The following ARRB1 variants were observed in gnomAD, a reference collection of about 807,000 sequenced individuals.
ARRB1 encodes the protein beta-arrestin-1.
A neutral mutation model predicts 56.8 loss-of-function variants in ARRB1; 21 were observed. The observed-to-expected ratio is 0.37, with a 90% confidence interval of 0.26 to 0.53. The LOEUF is 0.53. Among genes scored for constraint, ARRB1 ranks in the 20% least tolerant of loss-of-function variants. The pLI, the probability that ARRB1 is intolerant of heterozygous loss-of-function variation, is 0.88. For synonymous variants in ARRB1, 210 were observed against 218.6 expected (o/e 0.96, Z 0.35); for missense variants, 424 against 553.7 (o/e 0.77, Z 2.35).
intron 13 of ARRB1, 131 bp from the exon 14 acceptor site, chr11:75,269,090 T>C (rs1412749912): frequency 1.0e-6 from 1 of 970,322 alleles, no homozygotes; most frequent in African/African-American, 1.6e-5. Context: ...AAAGATGCCC[T>C]CCAGCCCCAG....
Position 75,278,688 on chromosome 11 carries a change from G to C in ARRB1, c.539C>G (p.Pro180Arg). 6.2e-7 allele frequency: 1 copy of C among 1,614,154 alleles called. No individual in the cohort carries two copies. The highest frequency in any genetic ancestry group is 8.5e-7 in the Non-Finnish European group (1 of 1,179,992). The change falls in exon 8 of 16, where the codon CCC becomes CGC. Residue 180 changes from proline (P) to arginine (R), a missense_variant. This residue lies in a region of ARRB1 where 301 missense variants were observed against 387.9 expected (regional missense o/e 0.78). Coordinates refer to ENST00000420843, the MANE Select transcript of ARRB1 (RefSeq NM_004041.5). ...CCTGGTGGTCTCGGCTGTGGGCTGG[G>C]GGCCAGGCCTCTCTGGGGCATACTG... ...KVQYAPERPGPQPTAETTRQF... is the reference protein window; with the variant it reads ...KVQYAPERPGRQPTAETTRQF...
rs1263454196 is a variant in ARRB1 at position 75,264,878 on chromosome 11, TC to T, written c.*1284del. ...AACTCCTAACACTTTCTATCTCATC[TC>T]CCATCTGGCTTCTTGCCCCAGGAAC... On this transcript the variant is annotated 3_prime_UTR_variant, in exon 16 of 16. Transcript: ENST00000420843. 6.6e-6 allele frequency: 1 copy of T among 152,278 alleles called. No individual in the cohort carries two copies. The highest frequency in any genetic ancestry group is 1.5e-5 in the Non-Finnish European group (1 of 68,154). 9.4% of individuals were successfully genotyped at this position (152,278 alleles called of 1,614,324 possible). A position where few individuals can be genotyped will look rare whatever the true frequency, so the allele number is the denominator to read the frequency against.
chr11:75,265,919 G>T lies in ARRB1; in HGVS notation c.*244C>A. The T allele has an allele frequency of 1.9e-6, 1 of 523,386 alleles. No individual in the cohort carries two copies. The highest frequency in any genetic ancestry group is 3.5e-6 in the Non-Finnish European group (1 of 289,810). The allele number at this position is 523,386 out of a possible 1,614,324, so 32.4% of individuals were successfully genotyped here. On this transcript the variant is annotated 3_prime_UTR_variant, in exon 16 of 16. Transcript: ENST00000420843. ...TGGCAGCTTTTCTGGGAGACAGCAT[G>T]AAAAGGAGGGGAGTGGAGATGGCAG...
intron 3 of ARRB1, 25 bp from the exon 4 acceptor site, chr11:75,284,304 G>T: frequency 6.2e-7 from 1 of 1,601,378 alleles, no homozygotes; most frequent in South Asian, 1.1e-5. Flanking sequence ...GAGAGTAAGC[G>T]GCCTCTCCCA....
At chr11:75,284,556 T>C (rs1678515308) in intron 3 of ARRB1, among the ~76,000 whole-genome samples, 1 of 152,070 alleles carries the variant, frequency 6.6e-6, no homozygotes, top group African/African-American at 2.4e-5. Flanking sequence ...ATAACCTAGG[T>C]CCGAAACTCC....
In ARRB1 at chr11:75,321,451, G is replaced by A. The variant is rs576853985; in HGVS notation, c.20+30137C>T. Reference sequence around the variant, plus strand: ...TCTCCTTCTTCTCTCCCTGCTGGCGGAAACCACCTTCCTTACACACATGCT... The same window carrying A: ...TCTCCTTCTTCTCTCCCTGCTGGCGAAAACCACCTTCCTTACACACATGCT... On this transcript the variant is annotated intron_variant, in intron 1 of 15. Transcript: ENST00000420843. Among the ~76,000 whole-genome samples, 76 of 152,210 alleles carry A rather than the reference G, an allele frequency of 5.0e-4. 2 individuals carry two copies. The highest frequency in any genetic ancestry group is 6.8e-3 in the Middle Eastern group (2 of 294).
intron 13 of ARRB1, among the ~76,000 whole-genome samples, chr11:75,269,667 C>G (rs1946029789): frequency 6.6e-6 from 1 of 152,244 alleles, no homozygotes; most frequent in Non-Finnish European, 1.5e-5. Flanking sequence ...CCAAGGATTA[C>G]TGTAAGCCCC....
chr11:75,340,894 G>C (rs1947683599), intron 1 of ARRB1, among the ~76,000 whole-genome samples: 1 of 152,130 alleles, frequency 6.6e-6, no homozygotes, highest in South Asian at 2.1e-4. Flanking sequence ...GGGCCAGAGG[G>C]GAGTGGCGCC....
intron 1 of ARRB1, among the ~76,000 whole-genome samples, chr11:75,346,665 C>G (rs2135005332): frequency 6.6e-6 from 1 of 152,340 alleles, no homozygotes; most frequent in South Asian, 2.1e-4. Context: ...CTCTGTGGGT[C>G]TGTCCCTGCT....
At chr11:75,283,021 C>T (rs1168160778) in intron 5 of ARRB1, among the ~76,000 whole-genome samples, 2 of 152,160 alleles carry the variant, frequency 1.3e-5, no homozygotes, top group African/African-American at 4.8e-5. Flanking sequence ...TCTCTGAAGC[C>T]CCTTAGCACC....
rs186417650 is a variant in ARRB1 at position 75,326,895 on chromosome 11, T to C, written c.20+24693A>G. On this transcript the variant is annotated intron_variant, in intron 1 of 15. Coordinates refer to ENST00000420843, the MANE Select transcript of ARRB1 (RefSeq NM_004041.5). ...CTAATTTTTGTATTTTTAGTAGAGA[T>C]AGAGTTTTGCCATGTTGCCCAGGCT... Among the ~76,000 whole-genome samples, 17 of 152,002 alleles carry C rather than the reference T, an allele frequency of 1.1e-4. No individual in the cohort carries two copies. The East Asian group carries it at 2.7e-3, about 24-fold the overall frequency.
intron 1 of ARRB1, among the ~76,000 whole-genome samples, chr11:75,344,331 A>G (rs1398724494): frequency 6.6e-6 from 1 of 152,072 alleles, no homozygotes; most frequent in Non-Finnish European, 1.5e-5. Flanking sequence ...AAGAAAGGTC[A>G]CTCCTGGACC....
intron 1 of ARRB1, among the ~76,000 whole-genome samples, chr11:75,336,055 G>A (rs754699335): frequency 1.5e-4 from 23 of 152,116 alleles, no homozygotes; most frequent in Non-Finnish European, 2.9e-4. Context: ...CTGCAGCCCT[G>A]CTCTCCCATC....
intron 1 of ARRB1, among the ~76,000 whole-genome samples, chr11:75,290,465 C>T (rs1006404256): frequency 7.9e-5 from 12 of 152,188 alleles, no homozygotes; most frequent in Non-Finnish European, 1.0e-4. Context: ...CGATTCCCAC[C>T]TCGGGGACAG....
intron 13 of ARRB1, chr11:75,270,929 TC>T (rs957738273): frequency 3.3e-5 from 5 of 152,026 alleles, no homozygotes; most frequent in Non-Finnish European, 5.9e-5. Context: ...CTTTTTTTTT[TC>T]CTTTTGCTTT....
At chr11:75,296,551 C>T (rs1946754898) in intron 1 of ARRB1, among the ~76,000 whole-genome samples, 1 of 152,218 alleles carries the variant, frequency 6.6e-6, no homozygotes, top group Non-Finnish European at 1.5e-5. Flanking sequence ...CATCAGTCCT[C>T]CCAGTGTCCC....
intron 8 of ARRB1, 46 bp from the exon 9 acceptor site, chr11:75,277,494 G>T: frequency 1.9e-6 from 3 of 1,553,206 alleles, no homozygotes; most frequent in African/African-American, 1.4e-5. Flanking sequence ...GGACAGCAAG[G>T]TTCTAGGGAA....
At chr11:75,327,671 C>T (rs532358464) in intron 1 of ARRB1, among the ~76,000 whole-genome samples, 68 of 151,452 alleles carry the variant, frequency 4.5e-4, no homozygotes, top group African/African-American at 1.5e-3. Context: ...TTACTGCAAC[C>T]TCTGCCTCCT....
intron 1 of ARRB1, chr11:75,303,748 G>T: frequency 2.2e-6 from 1 of 452,976 alleles, no homozygotes; most frequent in Non-Finnish European, 4.4e-6. Flanking sequence ...GCCCAGTTCC[G>T]TTCCAGGCAC....
Sources: allele counts gnomAD v4.1 joint callset (sites outside exome capture counted in the v4.1 genomes callset), GRCh38; gene constraint gnomAD v4.1.1; regional missense constraint gnomAD v4.1.1; transcripts MANE v1.5; gene names NCBI Gene and HGNC (gene_info 2026-07-23, HGNC 2026-07-21).